The following DOCK7 variants were observed in gnomAD, a reference collection of about 807,000 sequenced individuals.
The protein encoded by DOCK7 is dedicator of cytokinesis protein 7.
In DOCK7, 138 loss-of-function variants were observed where a neutral mutation model predicts 271.0. The observed-to-expected ratio is 0.51, with a 90% CI of 0.44 to 0.59. DOCK7 has a LOEUF of 0.59. Among genes scored for constraint, DOCK7 ranks in the 20% least tolerant of loss-of-function variants. DOCK7 has a pLI of 0.00. For missense variants in DOCK7, 2,066 were observed against 2,592.4 expected (o/e 0.80, Z 4.41); for synonymous variants, 823 against 876.1 (o/e 0.94, Z 1.07).
At chr1:62,676,966 C>A (rs1426898383) in intron 1 of DOCK7, among the ~76,000 whole-genome samples, 1 of 152,224 alleles carries the variant, frequency 6.6e-6, no homozygotes, top group Non-Finnish European at 1.5e-5. Context: ...TCAGGTTACA[C>A]TGGTTTTCCT....
intron 4 of DOCK7, among the ~76,000 whole-genome samples, chr1:62,653,147 T>C (rs569569654): frequency 2.0e-5 from 3 of 152,214 alleles, no homozygotes; most frequent in Admixed American, 1.3e-4. Flanking sequence ...TTATGCAAAT[T>C]AGCAAATGAT....
rs78526041 is a variant in DOCK7, at chr1:62,664,827, C to T, written c.39-1697G>A. Among the ~76,000 whole-genome samples, 3 of 150,164 alleles carry T rather than the reference C, an allele frequency of 2.0e-5. No individual in the cohort carries two copies. The East Asian group carries it at 5.9e-4, about 29-fold the overall frequency. ...TAACGACAAGGGAGGAAGACAACAGCACCAAAGCACCAAGAAAACAATTAG... is the reference window on the plus strand; with the variant it reads ...TAACGACAAGGGAGGAAGACAACAGTACCAAAGCACCAAGAAAACAATTAG... On this transcript the variant is annotated intron_variant, in intron 1 of 49. Transcript: ENST00000635253.
At chr1:62,503,394 C>T (rs1437984384) in intron 37 of DOCK7, among the ~76,000 whole-genome samples, 1 of 151,682 alleles carries the variant, frequency 6.6e-6, no homozygotes, top group Non-Finnish European at 1.5e-5. Flanking sequence ...AAACAGAATA[C>T]ACATTGTACA....
chr1:62,654,614 C>T (rs936282772), intron 2 of DOCK7, among the ~76,000 whole-genome samples: 2 of 152,012 alleles, frequency 1.3e-5, no homozygotes. Context: ...TAAAAAATGT[C>T]CCTCCAAAAA....
At chr1:62,506,137 C>T (rs967183165) in intron 35 of DOCK7, among the ~76,000 whole-genome samples, 3 of 152,006 alleles carry the variant, frequency 2.0e-5, no homozygotes, top group Admixed American at 6.6e-5. Flanking sequence ...TAGAAAATAA[C>T]TAGAGATAAG....
At chr1:62,602,379 T>C (rs1398140623) in intron 14 of DOCK7, 1 of 1,609,542 alleles carries the variant, frequency 6.2e-7, no homozygotes, top group South Asian at 1.1e-5. Flanking sequence ...GGAGGCTTGA[T>C]GGTAAGGGGA....
At chr1:62,651,761 A>T (rs958913713) in intron 4 of DOCK7, among the ~76,000 whole-genome samples, 5 of 152,174 alleles carry the variant, frequency 3.3e-5, no homozygotes, top group Admixed American at 2.6e-4. Context: ...TCTGTGTTCC[A>T]TTAACTATTT....
intron 7 of DOCK7, among the ~76,000 whole-genome samples, 197 bp downstream of exon 7, chr1:62,647,494 A>T (rs1022627877): frequency 4.6e-5 from 7 of 152,132 alleles, no homozygotes; most frequent in Admixed American, 1.3e-4. Flanking sequence ...TAGCTTCATA[A>T]ATACGTTAGG....
rs1474330437 is a variant in DOCK7 at position 62,539,863 on chromosome 1, A to C, written c.3075T>G (p.Phe1025Leu). The C allele has an allele frequency of 6.2e-7, 1 of 1,612,654 alleles. No individual in the cohort carries two copies. The highest frequency in any genetic ancestry group is 2.2e-5 in the East Asian group (1 of 44,810). Residue 1025 changes from phenylalanine (F) to leucine (L), a missense_variant, in exon 26 of 50, where the codon TTT (phenylalanine) becomes TTG (leucine). Phe to Leu is a conservative substitution (Grantham distance 22, BLOSUM62 0). Around this residue, in one of 2 missense-constraint regions of DOCK7, gnomAD observed 1,414 missense variants for 1,670.4 expected, o/e 0.85. Coordinates refer to ENST00000635253, the MANE Select transcript of DOCK7 (RefSeq NM_001367561.1). ...MVKSMVHHLY[F>L]NDKLEAPRKS... ...TCCTTGGAGCCTCAAGTTTATCATTAAAGTATAAATGGTGCACCATGCTCT... is the reference window on the plus strand; with the variant it reads ...TCCTTGGAGCCTCAAGTTTATCATTCAAGTATAAATGGTGCACCATGCTCT...
At chr1:62,490,297 C>T (rs1646425730) in intron 41 of DOCK7, among the ~76,000 whole-genome samples, 1 of 151,914 alleles carries the variant, frequency 6.6e-6, no homozygotes, top group Non-Finnish European at 1.5e-5. Context: ...GTTTCAAACT[C>T]CTGGCCTCAA....
At chr1:62,523,408 A>C (rs1411115131) in intron 31 of DOCK7, among the ~76,000 whole-genome samples, 2 of 152,186 alleles carry the variant, frequency 1.3e-5, no homozygotes, top group Admixed American at 6.5e-5. Flanking sequence ...ACTGTATATA[A>C]AAAAATCTAT....
At chr1:62,614,066 T>C (rs1384466909) in intron 14 of DOCK7, among the ~76,000 whole-genome samples, 1 of 152,086 alleles carries the variant, frequency 6.6e-6, no homozygotes, top group East Asian at 1.9e-4. Flanking sequence ...AATATTTGTA[T>C]AGTGACCACT....
intron 2 of DOCK7, among the ~76,000 whole-genome samples, chr1:62,659,923 A>G (rs1050841409): frequency 5.3e-5 from 8 of 152,210 alleles, no homozygotes; most frequent in African/African-American, 1.9e-4. Flanking sequence ...CAGAGCTATA[A>G]AATAGGTGTA....
At position 62,636,145 on chromosome 1, in the gene DOCK7, G is replaced by A. The variant is rs763150790; in HGVS notation, c.885+392C>T. ...CGGGCGCCTGTAGTCCCAGCTACTC[G>A]GGAGGCTGAGACAGGAAAATGGCGT... On this transcript the variant is annotated intron_variant, in intron 8 of 49. Coordinates refer to ENST00000635253, the MANE Select transcript of DOCK7 (RefSeq NM_001367561.1). Among the ~76,000 whole-genome samples, 12 of 152,162 alleles carry A rather than the reference G, an allele frequency of 7.9e-5. No individual in the cohort carries two copies. The South Asian group carries it at 1.7e-3, about 21-fold the overall frequency.
intron 1 of DOCK7, among the ~76,000 whole-genome samples, chr1:62,682,550 T>TA (rs1018355422): frequency 1.3e-5 from 2 of 152,144 alleles, no homozygotes; most frequent in African/African-American, 4.8e-5. Context: ...TGTAACTTTT[T>TA]AAAAAAACAG....
At chr1:62,685,404 T>C (rs753999887) in intron 1 of DOCK7, among the ~76,000 whole-genome samples, 36 of 152,214 alleles carry the variant, frequency 2.4e-4, no homozygotes, top group Non-Finnish European at 4.9e-4. Context: ...TATTCAATCA[T>C]ATTTGATAAC....
At chr1:62,645,026 TATG>T (rs1656475465) in intron 7 of DOCK7, among the ~76,000 whole-genome samples, 1 of 152,232 alleles carries the variant, frequency 6.6e-6, no homozygotes, top group Non-Finnish European at 1.5e-5. Flanking sequence ...CTAGAATGGT[TATG>T]ATAAAAAAAA....
intron 7 of DOCK7, chr1:62,641,120 G>T: frequency 7.0e-6 from 2 of 286,570 alleles, no homozygotes; most frequent in South Asian, 7.1e-5. Context: ...ATTGGACTCA[G>T]ACCAGGAGTC....
chr1:62,641,544 A>G, intron 7 of DOCK7: 1 of 465,928 alleles, frequency 2.1e-6, no homozygotes, highest in Non-Finnish European at 4.3e-6. Flanking sequence ...GTGTTCATCT[A>G]CTTGCAGAGG....
Sources: allele counts gnomAD v4.1 joint callset (sites outside exome capture counted in the v4.1 genomes callset), GRCh38; gene constraint gnomAD v4.1.1; regional missense constraint gnomAD v4.1.1; transcripts MANE v1.5; gene names NCBI Gene and HGNC (gene_info 2026-07-23, HGNC 2026-07-21).